The following ARSB variants were observed in gnomAD, a reference collection of about 807,000 sequenced individuals.
The protein encoded by ARSB is arylsulfatase B.
In ARSB, 41 loss-of-function variants were observed where a neutral mutation model predicts 50.9. The ratio of observed to expected loss-of-function variants is 0.81; its 90% confidence interval spans 0.63 to 1.04. The LOEUF (loss-of-function observed/expected upper bound fraction) is 1.04, where lower values mean the gene tolerates loss of function less well. Among genes scored for constraint, ARSB ranks in the 50% least tolerant of loss-of-function variants. The probability of loss-of-function intolerance (pLI) is 0.00; values close to 1 mark genes in which losing one functional copy is unlikely to be tolerated. For missense variants in ARSB, 672 were observed against 693.3 expected (o/e 0.97, Z 0.35); for synonymous variants, 269 against 284.8 (o/e 0.94, Z 0.56).
At chr5:78,843,794 G>T (rs1273083752) in intron 5 of ARSB, among the ~76,000 whole-genome samples, 2 of 152,038 alleles carry the variant, frequency 1.3e-5, no homozygotes, top group South Asian at 2.1e-4. Context: ...CATATAACTG[G>T]AACCACACAA....
At chr5:78,833,054 A>T (rs6887109) in intron 6 of ARSB, among the ~76,000 whole-genome samples, 32,619 of 152,060 alleles carry the variant, frequency 0.21, 4,038 homozygotes, top group Non-Finnish European at 0.27. Context: ...ATAGGTGTAT[A>T]TGTTTTTCCT....
At chr5:78,827,534 T>C (rs900059998) in intron 6 of ARSB, among the ~76,000 whole-genome samples, 1 of 152,218 alleles carries the variant, frequency 6.6e-6, no homozygotes, top group South Asian at 2.1e-4. Context: ...TACTTGAGAT[T>C]ATTCTAACAC....
chr5:78,934,994 T>A (rs1376063648), intron 4 of ARSB, among the ~76,000 whole-genome samples: 1 of 152,096 alleles, frequency 6.6e-6, no homozygotes, highest in African/African-American at 2.4e-5. Flanking sequence ...AAATGACCTT[T>A]AAGCATCACA....
intron 6 of ARSB, among the ~76,000 whole-genome samples, chr5:78,811,570 G>A (rs553688613): frequency 2.5e-4 from 38 of 152,300 alleles, no homozygotes; most frequent in South Asian, 2.1e-3. Context: ...GACTAGGGAC[G>A]TTTGTTTCAG....
At chr5:78,952,867 A>G (rs998872260) in intron 4 of ARSB, among the ~76,000 whole-genome samples, 1 of 152,188 alleles carries the variant, frequency 6.6e-6, no homozygotes, top group Non-Finnish European at 1.5e-5. Flanking sequence ...TCTTGCAACA[A>G]TGAGGTCATT....
chr5:78,856,408 T>C (rs1340733184), intron 5 of ARSB, among the ~76,000 whole-genome samples: 1 of 152,258 alleles, frequency 6.6e-6, no homozygotes, highest in Non-Finnish European at 1.5e-5. Context: ...TCCCAGAAAG[T>C]ATCTTAAGAA....
chr5:78,832,533 G>A lies in ARSB; in HGVS notation c.1213+6823C>T, dbSNP rs183878577. 1.4e-3 allele frequency among the ~76,000 whole-genome samples: 207 copies of A among 152,218 alleles called. 1 individual carries two copies. The highest frequency in any genetic ancestry group is 2.7e-3 in the Admixed American group (42 of 15,294). Reference sequence around the variant, plus strand: ...TCTTGGAAATGGCAACATAATACTGGGAAATGGCTCTGAATGTCGCTCTGA... The same window carrying A: ...TCTTGGAAATGGCAACATAATACTGAGAAATGGCTCTGAATGTCGCTCTGA... On this transcript the variant is annotated intron_variant, in intron 6 of 7. Transcript: ENST00000264914.
chr5:78,940,723 C>G (rs1750872930), intron 4 of ARSB, among the ~76,000 whole-genome samples: 3 of 152,266 alleles, frequency 2.0e-5, no homozygotes, highest in South Asian at 2.1e-4. Context: ...TAGTGTGATG[C>G]CTCCAGCTTT....
At chr5:78,891,913 T>C (rs545303521) in intron 4 of ARSB, among the ~76,000 whole-genome samples, 2 of 149,784 alleles carry the variant, frequency 1.3e-5, no homozygotes, top group East Asian at 1.9e-4. Context: ...ATGTCTAATT[T>C]CACTGAAATG....
intron 5 of ARSB, among the ~76,000 whole-genome samples, chr5:78,878,318 GACAGGCCGATA>G (rs1316187276): frequency 6.6e-6 from 1 of 151,982 alleles, no homozygotes; most frequent in African/African-American, 2.4e-5. Flanking sequence ...TATAATGAAG[GACAGGCCGATA>G]ACCATTTCTA....
intron 6 of ARSB, chr5:78,783,479 CAA>C: frequency 6.6e-6 from 1 of 152,144 alleles, no homozygotes; most frequent in Non-Finnish European, 1.5e-5. Flanking sequence ...TCAGTCTCAA[CAA>C]TCACACAGCA....
chr5:78,828,762 G>A (rs961959642), intron 6 of ARSB, among the ~76,000 whole-genome samples: 19 of 127,690 alleles, frequency 1.5e-4, no homozygotes, highest in African/African-American at 6.0e-4. Flanking sequence ...AGATATCCAC[G>A]TCCCAATCCC....
intron 4 of ARSB, among the ~76,000 whole-genome samples, chr5:78,945,832 C>T (rs1045606843): frequency 6.6e-6 from 1 of 152,184 alleles, no homozygotes; most frequent in Admixed American, 6.5e-5. Flanking sequence ...ATCTCCTCCC[C>T]ACCTGTGTTC....
intron 5 of ARSB, among the ~76,000 whole-genome samples, chr5:78,864,379 A>C (rs1746603747): frequency 6.6e-6 from 1 of 152,158 alleles, no homozygotes; most frequent in African/African-American, 2.4e-5. Flanking sequence ...CAAAAGGAGA[A>C]ACCCCTGACA....
chr5:78,894,218 T>A (rs1046717344), intron 4 of ARSB, among the ~76,000 whole-genome samples: 1 of 152,130 alleles, frequency 6.6e-6, no homozygotes, highest in Admixed American at 6.6e-5. Flanking sequence ...AAAGAACAGG[T>A]GTACTAACAA....
In ARSB at chr5:78,928,305, C is replaced by CTTTTTTT. The variant is rs34737292; in HGVS notation, c.898+26983_898+26989dup. ...CAACTGTGATTGCCATTTGCTTTTGCTTTTTTTTTTTTTTTTTTTTTTTTT... is the reference window on the plus strand; with the variant it reads ...CAACTGTGATTGCCATTTGCTTTTGCTTTTTTTTTTTTTTTTTTTTTTTTTTTTTTTT... On this transcript the variant is annotated intron_variant, in intron 4 of 7. Transcript: ENST00000264914. Among the ~76,000 whole-genome samples the CTTTTTTT allele has an allele frequency of 1.2e-3, 88 of 72,590 alleles. 4 individuals carry two copies. The highest frequency in any genetic ancestry group is 1.8e-3 in the East Asian group (4 of 2,166). 47.6% of individuals were successfully genotyped at this position (72,590 alleles called of 152,430 possible).
At chr5:78,863,043 A>C (rs1746527706) in intron 5 of ARSB, among the ~76,000 whole-genome samples, 1 of 152,256 alleles carries the variant, frequency 6.6e-6, no homozygotes, top group Admixed American at 6.5e-5. Flanking sequence ...AATGCAAATC[A>C]AAACCACAAT....
intron 1 of ARSB, among the ~76,000 whole-genome samples, chr5:78,983,013 G>GA (rs1475736875): frequency 6.6e-6 from 1 of 152,106 alleles, no homozygotes; most frequent in Non-Finnish European, 1.5e-5. Context: ...GGTGGGGGAG[G>GA]ATGTTAGGGG....
intron 4 of ARSB, among the ~76,000 whole-genome samples, chr5:78,916,660 A>G (rs994768316): frequency 5.9e-5 from 9 of 152,206 alleles, no homozygotes; most frequent in African/African-American, 2.2e-4. Context: ...TCATTTTCCT[A>G]TTAAGTTGTA....
Sources: allele counts gnomAD v4.1 joint callset (sites outside exome capture counted in the v4.1 genomes callset), GRCh38; gene constraint gnomAD v4.1.1; transcripts MANE v1.5; gene names NCBI Gene and HGNC (gene_info 2026-07-23, HGNC 2026-07-21).